CDH11: variants seen among roughly 807,000 people sequenced by gnomAD.
The protein encoded by CDH11 is cadherin 11.
In CDH11, 11 loss-of-function variants were observed where a neutral mutation model predicts 67.8. The observed-to-expected ratio is 0.16, with a 90% CI of 0.10 to 0.27. The LOEUF (loss-of-function observed/expected upper bound fraction) is 0.27, where lower values mean the gene tolerates loss of function less well. CDH11 is among the 10% of genes least tolerant of loss of function. CDH11 has a pLI of 1.00. For synonymous variants in CDH11, 419 were observed against 400.0 expected, an observed-to-expected ratio of 1.05 and a Z score of -0.57; for missense variants, 847 against 1,031.2, an observed-to-expected ratio of 0.82 and a Z score of 2.45.
At chr16:64,995,700 C>G (rs1403575245) in intron 4 of CDH11, among the ~76,000 whole-genome samples, 4 of 152,108 alleles carry the variant, frequency 2.6e-5, no homozygotes, top group Non-Finnish European at 4.4e-5. Context: ...GAATTTATGA[C>G]TAGGTCCTCA....
intron 5 of CDH11, 42 bp downstream of exon 5, chr16:64,992,873 T>C (rs752160276): frequency 1.2e-6 from 2 of 1,602,756 alleles, no homozygotes; most frequent in Non-Finnish European, 1.7e-6. Flanking sequence ...TGGGACTTCT[T>C]ATTCACCATG....
At chr16:65,122,095 G>T, upstream of CDH11, 4 of 341,920 alleles carry the variant, frequency 1.2e-5, no homozygotes, top group Non-Finnish European at 1.1e-5. Flanking sequence ...GCAGGAATGA[G>T]AAACCGGGGG....
At chr16:65,067,073 T>C (rs2142755999) in intron 1 of CDH11, among the ~76,000 whole-genome samples, 1 of 152,300 alleles carries the variant, frequency 6.6e-6, no homozygotes, top group African/African-American at 2.4e-5. Flanking sequence ...TGCAGATTCC[T>C]ACAACTTTCT....
chr16:65,060,808 A>T (rs2074227016), intron 1 of CDH11, among the ~76,000 whole-genome samples: 1 of 152,306 alleles, frequency 6.6e-6, no homozygotes, highest in African/African-American at 2.4e-5. Flanking sequence ...TTAAAAAAAA[A>T]ACTTGACAAT....
intron 4 of CDH11, among the ~76,000 whole-genome samples, chr16:64,994,601 T>C (rs559366324): frequency 9.9e-5 from 15 of 152,100 alleles, no homozygotes; most frequent in African/African-American, 3.1e-4. Flanking sequence ...ACATCCAGCA[T>C]CACACTGAAT....
intron 2 of CDH11, among the ~76,000 whole-genome samples, chr16:65,051,823 A>C (rs145128567): frequency 1.3e-5 from 2 of 152,144 alleles, no homozygotes; most frequent in African/African-American, 4.8e-5. Context: ...TTCCACCATG[A>C]TTCTAAGTTT....
intron 1 of CDH11, among the ~76,000 whole-genome samples, chr16:65,057,994 G>A (rs1354062078): frequency 6.6e-6 from 1 of 152,114 alleles, no homozygotes; most frequent in Non-Finnish European, 1.5e-5. Context: ...CAGCAGTTTG[G>A]GAGGCTGAGG....
chr16:64,945,766 T>A lies in CDH11; in HGVS notation c.*1837A>T. 2 of 1,043,620 alleles carry A rather than the reference T, an allele frequency of 1.9e-6. No individual in the cohort carries two copies. The highest frequency in any genetic ancestry group is 1.2e-6 in the Non-Finnish European group (1 of 865,444). The allele number at this position is 1,043,620 out of a possible 1,614,324, so 64.6% of individuals were successfully genotyped here. ...ACTTCATAAAAAACATTTCTTTGTA[T>A]GCATGTTGACTAAATCATAAAAATA... On this transcript the variant is annotated 3_prime_UTR_variant, in exon 13 of 13. Coordinates refer to ENST00000268603, the MANE Select transcript of CDH11 (RefSeq NM_001797.4).
intron 2 of CDH11, among the ~76,000 whole-genome samples, chr16:65,029,833 C>A (rs1007772879): frequency 6.6e-6 from 1 of 152,096 alleles, no homozygotes; most frequent in Non-Finnish European, 1.5e-5. Flanking sequence ...TTAGAGAGAA[C>A]CTGGCCTCAA....
rs1325820830 is a variant in CDH11, at chr16:65,121,836, A to T, written c.-298+44T>A. The T allele has an allele frequency of 2.9e-6, 2 of 701,500 alleles. No individual in the cohort carries two copies. Among genetic ancestry groups the T allele is most frequent in the East Asian group, 5.4e-5 (2 of 37,162 alleles). 43.5% of individuals were successfully genotyped at this position (701,500 alleles called of 1,614,324 possible). The stretch of plus-strand genomic sequence containing the variant: ...AGAAAATCCTGCCCCCCATTCCAAG[A>T]AGCCCCAACCAGGCGAGAGGAAGGG... On this transcript the variant is annotated intron_variant, in intron 1 of 12. Transcript: ENST00000268603. This position sits in a 1 kb window ranked among gnomAD's most constrained non-coding sequence, Gnocchi z 4.1.
intron 8 of CDH11, among the ~76,000 whole-genome samples, chr16:64,978,993 G>GA (rs1310377244): frequency 1.3e-5 from 2 of 151,988 alleles, no homozygotes; most frequent in African/African-American, 4.8e-5. Flanking sequence ...CATGGAATGA[G>GA]AAAAAAATGC....
At chr16:65,116,345 G>A (rs553366462) in intron 1 of CDH11, among the ~76,000 whole-genome samples, 28 of 152,268 alleles carry the variant, frequency 1.8e-4, no homozygotes, top group East Asian at 3.9e-4. Context: ...AGATCTCTAC[G>A]TGTCTTAAAC....
At chr16:65,072,861 C>A (rs1404822995) in intron 1 of CDH11, among the ~76,000 whole-genome samples, 1 of 152,216 alleles carries the variant, frequency 6.6e-6, no homozygotes, top group Non-Finnish European at 1.5e-5. Flanking sequence ...ACCTCCATCA[C>A]CTCACTGCTA....
chr16:65,122,339 G>A (rs2075349793), upstream of CDH11: 2 of 287,656 alleles, frequency 7.0e-6, no homozygotes, highest in Non-Finnish European at 1.3e-5. Context: ...GCGGCGCTCC[G>A]ACTCCCTCAG....
At chr16:65,081,199 AATAG>A (rs761650376) in intron 1 of CDH11, among the ~76,000 whole-genome samples, 6 of 152,244 alleles carry the variant, frequency 3.9e-5, no homozygotes, top group Non-Finnish European at 7.3e-5. Context: ...ATCAGTATGA[AATAG>A]ATAAACATAT....
At chr16:65,006,095 C>T (rs1345321461) in intron 2 of CDH11, among the ~76,000 whole-genome samples, 1 of 152,132 alleles carries the variant, frequency 6.6e-6, no homozygotes, top group Non-Finnish European at 1.5e-5. Flanking sequence ...AAGGAATTCC[C>T]CTTGCTTGTT....
intron 3 of CDH11, among the ~76,000 whole-genome samples, chr16:65,003,645 A>G (rs971404058): frequency 5.9e-5 from 9 of 152,170 alleles, no homozygotes; most frequent in Non-Finnish European, 1.3e-4. Flanking sequence ...TAATTTTCCA[A>G]ACTCTCTTGA....
At chr16:65,096,580 C>A (rs1160990883) in intron 1 of CDH11, among the ~76,000 whole-genome samples, 1 of 150,544 alleles carries the variant, frequency 6.6e-6, no homozygotes, top group Non-Finnish European at 1.5e-5. Flanking sequence ...ATATATTATA[C>A]ATATTATATA....
Position 65,103,352 on chromosome 16 carries a change from T to C in CDH11, c.-298+18528A>G, listed in dbSNP as rs574767635. Among the ~76,000 whole-genome samples, 6 of 152,366 alleles carry C rather than the reference T, an allele frequency of 3.9e-5. No homozygotes were observed. In the East Asian group the frequency reaches 9.6e-4, roughly 24 times the overall value. ...TTATAAATTCACTGATGCCAGGTGG[T>C]AACAGAATTGTTATATTAATGGTAT... On this transcript the variant is annotated intron_variant, in intron 1 of 12. Transcript: ENST00000268603.
Sources: gnomAD v4.1 joint callset for allele counts (sites outside exome capture counted in the v4.1 genomes callset) on GRCh38, gnomAD v4.1.1 for gene constraint, Gnocchi (gnomAD v3.1) non-coding constraint, MANE v1.5 for transcripts, NCBI Gene and HGNC (gene_info 2026-07-23, HGNC 2026-07-21) for gene names.